Variants in SMCO1 observed in about 807,000 individuals in gnomAD.
The protein encoded by SMCO1 is single-pass membrane and coiled-coil domain-containing protein 1.
A neutral mutation model predicts 7.5 loss-of-function variants in SMCO1; 9 were observed. That is an observed-to-expected ratio of 1.20 (90% CI 0.72 to 2.09). The LOEUF is 2.09. Ranked by LOEUF, SMCO1 falls within the 30% of genes most tolerant of loss-of-function variation. The probability of loss-of-function intolerance (pLI) is 0.00; values close to 1 mark genes in which losing one functional copy is unlikely to be tolerated. For missense variants in SMCO1, 219 were observed against 253.1 expected, an observed-to-expected ratio of 0.87 and a Z score of 0.91; for synonymous variants, 90 against 93.8, an observed-to-expected ratio of 0.96 and a Z score of 0.23.
At chr3:196,513,747 G>C (rs1448951188) in intron 1 of SMCO1, among the ~76,000 whole-genome samples, 1 of 151,552 alleles carries the variant, frequency 6.6e-6, no homozygotes, top group East Asian at 1.9e-4. Context: ...AGTCTAGCTT[G>C]TCAATCAGTA....
intron 2 of SMCO1, among the ~76,000 whole-genome samples, chr3:196,509,211 G>A (rs11925828): frequency 0.092 from 12,417 of 134,730 alleles, 1,917 homozygotes; most frequent in African/African-American, 0.34. Flanking sequence ...CACCACACCC[G>A]GCTAATTTTT....
upstream of SMCO1, among the ~76,000 whole-genome samples, chr3:196,517,818 T>C (rs78315971): frequency 0.057 from 8,641 of 152,224 alleles, 665 homozygotes; most frequent in South Asian, 0.18. Flanking sequence ...TCCAGGTGTG[T>C]GCCACCACTA....
chr3:196,515,135 C>T (rs779615648), intron 1 of SMCO1, 25 bp downstream of exon 1: 1 of 1,613,456 alleles, frequency 6.2e-7, no homozygotes, highest in Non-Finnish European at 8.5e-7. Context: ...CCCATGCTTG[C>T]TCCCTCCCTA....
chr3:196,512,284 G>T (rs115416105), intron 1 of SMCO1, among the ~76,000 whole-genome samples: 4,157 of 152,180 alleles, frequency 0.027, 107 homozygotes, highest in African/African-American at 0.063. Context: ...TTGTTGTTAT[G>T]AGGGAAACAT....
intron 1 of SMCO1, among the ~76,000 whole-genome samples, chr3:196,509,977 A>G (rs952080978): frequency 6.6e-6 from 1 of 151,802 alleles, no homozygotes; most frequent in African/African-American, 2.4e-5. Context: ...TATACCTTAT[A>G]CTTTATGTAT....
upstream of SMCO1, among the ~76,000 whole-genome samples, chr3:196,518,454 A>G (rs577389702): frequency 4.0e-3 from 610 of 152,302 alleles, 6 homozygotes; most frequent in African/African-American, 0.013. Flanking sequence ...TCCCCAGACA[A>G]TGGAGCCATA....
rs746892101 is a variant in SMCO1 at position 196,508,190 on chromosome 3, C to A, written c.342G>T (p.Lys114Asn). 56 of 1,614,050 alleles carry A rather than the reference C, an allele frequency of 3.5e-5. No individual in the cohort carries two copies. The highest frequency in any genetic ancestry group is 4.7e-5 in the Non-Finnish European group (55 of 1,180,044). ...TLASVLRRKV[K>N]NKRVRVVWES... is the part of the protein sequence containing the mutation. ...CCCATACAACTCTAACGCGCTTGTT[C>A]TTAACTTTTCTTCTGAGTACAGAGG... Residue 114 changes from lysine (K) to asparagine (N), a missense_variant, in exon 3 of 3, where the codon AAG becomes AAT. Coordinates refer to ENST00000397537, the MANE Select transcript of SMCO1 (RefSeq NM_001077657.3).
chr3:196,520,761 G>C, the SMCO1 span, among the ~76,000 whole-genome samples: 2 of 152,204 alleles, frequency 1.3e-5, no homozygotes, highest in Non-Finnish European at 2.9e-5. Context: ...AAAATATGGA[G>C]ATGTGTGGGT....
chr3:196,513,126 T>G (rs1014225447), intron 1 of SMCO1, among the ~76,000 whole-genome samples: 3 of 150,642 alleles, frequency 2.0e-5, no homozygotes, highest in Non-Finnish European at 4.4e-5. Context: ...TCCAGGAGTT[T>G]GAGACCAGCT....
upstream of SMCO1, among the ~76,000 whole-genome samples, chr3:196,517,543 C>T (rs1302132216): frequency 1.3e-5 from 2 of 151,896 alleles, no homozygotes; most frequent in African/African-American, 4.8e-5. Context: ...CTCTACAGCA[C>T]CCTCCACCAT....
intron 1 of SMCO1, among the ~76,000 whole-genome samples, chr3:196,513,627 CAAAAA>C (rs63105160): frequency 3.2e-5 from 3 of 93,774 alleles, no homozygotes; most frequent in Non-Finnish European, 4.1e-5. Flanking sequence ...GACTCTGTCT[CAAAAA>C]AAAAAAAAAA....
intron 1 of SMCO1, among the ~76,000 whole-genome samples, chr3:196,511,785 C>T (rs1217967588): frequency 7.4e-6 from 1 of 134,772 alleles, no homozygotes; most frequent in African/African-American, 3.5e-5. Context: ...CTGCCTGGGC[C>T]GCCTAGATTG....
At chr3:196,512,509 CTTTTT>C (rs36023059) in intron 1 of SMCO1, among the ~76,000 whole-genome samples, 6 of 114,044 alleles carry the variant, frequency 5.3e-5, no homozygotes, top group Non-Finnish European at 5.2e-5. Context: ...TATTTCCTTT[CTTTTT>C]TTTTTTTTTT....
chr3:196,515,193 G>A lies in SMCO1; in HGVS notation c.17C>T (p.Thr6Ile), dbSNP rs762519916. 2 of 1,613,626 alleles carry A rather than the reference G, an allele frequency of 1.2e-6. No individual in the cohort carries two copies. Among genetic ancestry groups the A allele is most frequent in the Non-Finnish European group, 8.5e-7 (1 of 1,179,532 alleles). MNNET[T>I]TLISLKEAMK... ...TGCCTCCTTCAAGGATATCAGGGTT[G>A]TGGTTTCATTGTTCATCTTCTGAAG... is the stretch of plus-strand genomic sequence containing the variant. The change falls in exon 1 of 3, where the codon ACA becomes ATA. Residue 6 changes from threonine (T) to isoleucine (I), a missense_variant. Thr to Ile is a moderately conservative substitution (Grantham distance 89, BLOSUM62 -1). Transcript: ENST00000397537.
intron 2 of SMCO1, 38 bp from the exon 3 acceptor site, chr3:196,508,369 A>G (rs1733115528): frequency 1.3e-6 from 2 of 1,507,940 alleles, no homozygotes; most frequent in Non-Finnish European, 8.9e-7. Context: ...GCGGTCAAAA[A>G]TATTTTATAT....
At chr3:196,519,340 C>T (rs192012832), upstream of SMCO1, among the ~76,000 whole-genome samples, 1 of 152,344 alleles carries the variant, frequency 6.6e-6, no homozygotes, top group African/African-American at 2.4e-5. Flanking sequence ...GCCAACAGCG[C>T]CACCTCGTGG....
chr3:196,515,159 C>T lies in SMCO1; in HGVS notation c.50+1G>A, dbSNP rs775719353. ...GCTCCCTCCCTATAGCCCTCAGCAA[C>T]CTTTTCATTGCCTCCTTCAAGGATA... is the stretch of plus-strand genomic sequence containing the variant. On this transcript the variant is annotated splice_donor_variant, in intron 1 of 2. Coordinates refer to ENST00000397537, the MANE Select transcript of SMCO1 (RefSeq NM_001077657.3). LOFTEE classifies it high-confidence loss of function. The T allele has an allele frequency of 3.7e-6, 6 of 1,613,998 alleles. No individual in the cohort carries two copies. Among genetic ancestry groups the T allele is most frequent in the Non-Finnish European group, 5.1e-6 (6 of 1,179,974 alleles).
upstream of SMCO1, among the ~76,000 whole-genome samples, chr3:196,517,795 T>G (rs147781761): frequency 0.01 from 1,523 of 152,210 alleles, 32 homozygotes; most frequent in African/African-American, 0.035. Context: ...TCAGCTCCCC[T>G]AGTAGCTGGG....
At chr3:196,515,983 G>GAGATAT (rs1733371971), upstream of SMCO1, among the ~76,000 whole-genome samples, 1 of 81,874 alleles carries the variant, frequency 1.2e-5, no homozygotes, top group African/African-American at 3.4e-5. Context: ...CGGGCAAGAG[G>GAGATAT]ATAGGATATA....
Sources: allele counts gnomAD v4.1 joint callset (sites outside exome capture counted in the v4.1 genomes callset), GRCh38; gene constraint gnomAD v4.1.1; transcripts MANE v1.5; gene names NCBI Gene and HGNC (gene_info 2026-07-23, HGNC 2026-07-21).